The following DLGAP1 variants were observed in gnomAD, a reference collection of about 807,000 sequenced individuals.
DLGAP1 encodes the protein disks large-associated protein 1.
In DLGAP1, 11 loss-of-function variants were observed where a neutral mutation model predicts 90.8. That is an observed-to-expected ratio of 0.12 (90% confidence interval 0.08 to 0.20). The LOEUF is 0.20. Among genes scored for constraint, DLGAP1 ranks in the 10% least tolerant of loss-of-function variants. The pLI, the probability that DLGAP1 is intolerant of heterozygous loss-of-function variation, is 1.00. For synonymous variants in DLGAP1, 558 were observed against 540.7 expected (o/e 1.03, Z -0.44); for missense variants, 1,050 against 1,333.8 (o/e 0.79, Z 3.31).
At chr18:3,724,248 C>T (rs1198821817) in intron 7 of DLGAP1, among the ~76,000 whole-genome samples, 2 of 152,028 alleles carry the variant, frequency 1.3e-5, no homozygotes, top group Non-Finnish European at 2.9e-5. Flanking sequence ...GTGAGAGGAT[C>T]ACTTGGGTCT....
chr18:4,246,228 T>C (rs887521466), intron 1 of DLGAP1, among the ~76,000 whole-genome samples: 1 of 152,086 alleles, frequency 6.6e-6, no homozygotes, highest in African/African-American at 2.4e-5. Flanking sequence ...ACATAGATGC[T>C]GAGGAAATTT....
chr18:4,264,698 A>G (rs548595612), intron 1 of DLGAP1: 1 of 152,326 alleles, frequency 6.6e-6, no homozygotes, highest in South Asian at 2.1e-4. Context: ...ATGCAGGCTA[A>G]TCAGCTAAAT....
chr18:3,951,637 G>A (rs1245528310), intron 3 of DLGAP1, among the ~76,000 whole-genome samples: 1 of 152,174 alleles, frequency 6.6e-6, no homozygotes, highest in Non-Finnish European at 1.5e-5. Flanking sequence ...ATCTTGAATT[G>A]TAATCTGAAT....
At chr18:3,779,134 C>T (rs188841424) in intron 5 of DLGAP1, among the ~76,000 whole-genome samples, 15 of 152,306 alleles carry the variant, frequency 9.8e-5, no homozygotes, top group African/African-American at 2.4e-4. Context: ...CCTTCTGTCC[C>T]GATCTCAGAG....
At chr18:4,341,519 C>T (rs4624288) in intron 1 of DLGAP1, among the ~76,000 whole-genome samples, 69,026 of 151,894 alleles carry the variant, frequency 0.45, 16,712 homozygotes, top group Non-Finnish European at 0.54. Context: ...TTAATTTCCT[C>T]CAGAACAGTG....
At chr18:3,969,910 AG>A (rs2073409608) in intron 3 of DLGAP1, among the ~76,000 whole-genome samples, 1 of 152,206 alleles carries the variant, frequency 6.6e-6, no homozygotes, top group Non-Finnish European at 1.5e-5. Context: ...CTTCTGATAA[AG>A]GGCCTTCTTA....
At chr18:4,349,015 G>T (rs183142896) in intron 1 of DLGAP1, among the ~76,000 whole-genome samples, 1 of 152,092 alleles carries the variant, frequency 6.6e-6, no homozygotes. Context: ...GAGAAAACAG[G>T]ACATTGGCAT....
At chr18:3,975,370 T>C (rs2073548757) in intron 3 of DLGAP1, among the ~76,000 whole-genome samples, 1 of 152,110 alleles carries the variant, frequency 6.6e-6, no homozygotes, top group Non-Finnish European at 1.5e-5. Context: ...TCACTAATCA[T>C]TAGGGCAACG....
intron 7 of DLGAP1, among the ~76,000 whole-genome samples, chr18:3,647,673 C>T (rs1295228985): frequency 6.6e-6 from 1 of 152,114 alleles, no homozygotes; most frequent in African/African-American, 2.4e-5. Context: ...ACCATGTTGA[C>T]CAGGCTGGTC....
intron 7 of DLGAP1, among the ~76,000 whole-genome samples, chr18:3,612,373 T>G (rs2057677708): frequency 6.6e-6 from 1 of 152,174 alleles, no homozygotes; most frequent in African/African-American, 2.4e-5. Flanking sequence ...AAATGCTCAG[T>G]GTATTAACTC....
At chr18:3,845,722 A>C (rs1429242664) in intron 4 of DLGAP1, 2 of 506,588 alleles carry the variant, frequency 3.9e-6, no homozygotes, top group African/African-American at 4.2e-5. Flanking sequence ...CAGCTTGCTA[A>C]AAGAAGCATG....
chr18:4,417,573 C>T (rs933325402), intron 1 of DLGAP1, among the ~76,000 whole-genome samples: 4 of 152,086 alleles, frequency 2.6e-5, no homozygotes, highest in African/African-American at 9.7e-5. Context: ...CTTTCTCTCA[C>T]TTACAATGAA....
intron 6 of DLGAP1, among the ~76,000 whole-genome samples, chr18:3,740,363 T>C (rs942088247): frequency 6.6e-6 from 1 of 152,066 alleles, no homozygotes; most frequent in Non-Finnish European, 1.5e-5. Context: ...ATAATGTATA[T>C]CATTGGACAA....
intron 2 of DLGAP1, among the ~76,000 whole-genome samples, chr18:4,070,272 C>T (rs376354001): frequency 1.1e-3 from 167 of 152,152 alleles, no homozygotes; most frequent in Admixed American, 3.3e-3. Context: ...CATGAGTCAC[C>T]GCATCTGGCC....
chr18:3,713,521 C>G (rs77442063), intron 7 of DLGAP1, among the ~76,000 whole-genome samples: 3,398 of 152,278 alleles, frequency 0.022, 133 homozygotes, highest in African/African-American at 0.078. Context: ...GAAGAATGAG[C>G]ATGTGCAAAT....
chr18:3,608,976 C>T (rs1353767658), intron 7 of DLGAP1, among the ~76,000 whole-genome samples: 1 of 152,196 alleles, frequency 6.6e-6, no homozygotes, highest in Non-Finnish European at 1.5e-5. Flanking sequence ...GCTGGGATTA[C>T]AGGCATGTGC....
intron 10 of DLGAP1, among the ~76,000 whole-genome samples, chr18:3,511,749 C>T (rs918184637): frequency 6.6e-6 from 1 of 152,020 alleles, no homozygotes; most frequent in African/African-American, 2.4e-5. Flanking sequence ...TTTCTTTTTC[C>T]CTTTTCTCTC....
At chr18:3,781,527 G>A (rs1400060694) in intron 5 of DLGAP1, among the ~76,000 whole-genome samples, 2 of 151,736 alleles carry the variant, frequency 1.3e-5, no homozygotes, top group Admixed American at 6.6e-5. Context: ...AATTTTTTTT[G>A]TATTTTTAAT....
chr18:3,741,103 TCACCATCACCAC>T (rs2062946270), intron 6 of DLGAP1, among the ~76,000 whole-genome samples: 4 of 53,148 alleles, frequency 7.5e-5, no homozygotes, highest in Non-Finnish European at 1.0e-4. Context: ...ACCACCACCA[TCACCATCACCAC>T]CACCATCACC....
Sources: gnomAD v4.1 joint callset for allele counts (sites outside exome capture counted in the v4.1 genomes callset) on GRCh38, gnomAD v4.1.1 for gene constraint, MANE v1.5 for transcripts, NCBI Gene and HGNC (gene_info 2026-07-23, HGNC 2026-07-21) for gene names.